SPART: variants seen among roughly 807,000 people sequenced by gnomAD.
SPART encodes the protein spartin, also known as spastic paraplegia 20 (Troyer syndrome).
A neutral mutation model predicts 58.7 loss-of-function variants in SPART; 35 were observed. The observed-to-expected ratio is 0.60, with a 90% CI of 0.46 to 0.79. SPART has a LOEUF of 0.79. Ranked by LOEUF, SPART falls within the 30% of genes least tolerant of loss-of-function variation. SPART has a pLI of 0.00. For missense variants in SPART, 730 were observed against 786.1 expected (o/e 0.93, Z 0.85); for synonymous variants, 284 against 280.7 (o/e 1.01, Z -0.12).
At chr13:36,353,821 G>A (rs1219697911) in intron 1 of SPART, among the ~76,000 whole-genome samples, 2 of 152,190 alleles carry the variant, frequency 1.3e-5, no homozygotes, top group African/African-American at 4.8e-5. Flanking sequence ...GAGTGGTTGT[G>A]TTTTTGTCTT....
chr13:36,333,872 A>G (rs1169499580), intron 2 of SPART, among the ~76,000 whole-genome samples: 1 of 152,222 alleles, frequency 6.6e-6, no homozygotes, highest in Non-Finnish European at 1.5e-5. Flanking sequence ...AATAATCTAC[A>G]GGATTCACAA....
At chr13:36,328,364 C>T (rs1883154320) in intron 4 of SPART, among the ~76,000 whole-genome samples, 1 of 152,116 alleles carries the variant, frequency 6.6e-6, no homozygotes, top group African/African-American at 2.4e-5. Flanking sequence ...TATTCATATA[C>T]TTGCTTATAT....
At chr13:36,322,525 C>T (rs1233938894) in intron 5 of SPART, among the ~76,000 whole-genome samples, 2 of 152,104 alleles carry the variant, frequency 1.3e-5, no homozygotes, top group Non-Finnish European at 2.9e-5. Context: ...CTAGCTGAAC[C>T]CTAAGATTAT....
chr13:36,357,849 A>T (rs1885682857), intron 1 of SPART, among the ~76,000 whole-genome samples: 1 of 152,190 alleles, frequency 6.6e-6, no homozygotes, highest in Non-Finnish European at 1.5e-5. Context: ...AATCCACTGA[A>T]CACCAGGAAT....
intron 1 of SPART, among the ~76,000 whole-genome samples, chr13:36,367,115 G>C (rs1415689844): frequency 1.3e-5 from 2 of 152,176 alleles, no homozygotes; most frequent in African/African-American, 2.4e-5. Context: ...GTAGGAAAAG[G>C]TGTCCTTGGG....
At chr13:36,341,341 A>C (rs1449464276) in intron 1 of SPART, among the ~76,000 whole-genome samples, 1 of 152,260 alleles carries the variant, frequency 6.6e-6, no homozygotes, top group Non-Finnish European at 1.5e-5. Flanking sequence ...AGGTGAAGTT[A>C]ATTTCAATGA....
intron 5 of SPART, 111 bp from the exon 6 acceptor site, chr13:36,314,532 G>T: frequency 9.6e-7 from 1 of 1,038,460 alleles, no homozygotes; most frequent in Non-Finnish European, 1.5e-6. Flanking sequence ...ATATTCAGAT[G>T]CTAAATGTGC....
intron 1 of SPART, among the ~76,000 whole-genome samples, chr13:36,338,168 G>T (rs1055706309): frequency 1.3e-5 from 2 of 152,156 alleles, no homozygotes; most frequent in African/African-American, 4.8e-5. Context: ...TAAGGGGTTA[G>T]GGGGGACTAC....
rs1456677385 is a variant in SPART at position 36,312,689 on chromosome 13, T to C, written c.1484-212A>G. On this transcript the variant is annotated intron_variant, in intron 6 of 8. Transcript: ENST00000438666. ...TACTCCTGGGCTCAAGTGATCCTCC[T>C]GCCTCTGCCTCCTGAGTAGCTGGGA... 54 of 588,672 alleles carry C rather than the reference T, an allele frequency of 9.2e-5. 1 individual carries two copies. The South Asian group carries it at 1.1e-3, about 12-fold the overall frequency. The allele number at this position is 588,672 out of a possible 1,614,324, so 36.5% of individuals were successfully genotyped here.
Position 36,305,368 on chromosome 13 carries a change from A to G in SPART, c.1734-736T>C, listed in dbSNP as rs1291682415. Among the ~76,000 whole-genome samples, 5 of 152,020 alleles carry G rather than the reference A, an allele frequency of 3.3e-5. No individual in the cohort carries two copies. The South Asian group carries it at 6.2e-4, about 19-fold the overall frequency. ...CACTGCTTTTTTTCTCCCATTACTT[A>G]CCACTTTCTACATACTATAGAACTT... On this transcript the variant is annotated intron_variant, in intron 8 of 8. Transcript: ENST00000438666.
intron 5 of SPART, among the ~76,000 whole-genome samples, chr13:36,324,771 GAA>G (rs1882745180): frequency 3.3e-5 from 5 of 152,194 alleles, no homozygotes; most frequent in Admixed American, 3.3e-4. Flanking sequence ...GGCTGAGACC[GAA>G]AAGAGAGTCA....
chr13:36,325,244 TG>T (rs1488937631), intron 5 of SPART, among the ~76,000 whole-genome samples: 1 of 152,124 alleles, frequency 6.6e-6, no homozygotes, highest in Non-Finnish European at 1.5e-5. Context: ...CCTATAAAGT[TG>T]GGGGGTAGGG....
rs1482788193 is a variant in SPART, at chr13:36,366,032, A to G, written c.-3+4057T>C. On this transcript the variant is annotated intron_variant, in intron 1 of 8. Transcript: ENST00000355182. Reference sequence around the variant, plus strand: ...GTCTCTCTAAGCTAATGCTTTCTCTATGTGTGACCAGGGTTTTCTAAAACA... The same window carrying G: ...GTCTCTCTAAGCTAATGCTTTCTCTGTGTGTGACCAGGGTTTTCTAAAACA... 3.3e-5 allele frequency among the ~76,000 whole-genome samples: 5 copies of G among 152,088 alleles called. No homozygotes were observed. The East Asian group carries it at 5.8e-4, about 18-fold the overall frequency.
chr13:36,328,177 T>C lies in SPART; in HGVS notation c.1164+1185A>G, dbSNP rs141993396. Among the ~76,000 whole-genome samples, 112 of 152,348 alleles carry C rather than the reference T, an allele frequency of 7.4e-4. No individual in the cohort carries two copies. In the East Asian group the frequency reaches 0.015, roughly 20 times the overall value. On this transcript the variant is annotated intron_variant, in intron 4 of 8. Transcript: ENST00000438666. The stretch of plus-strand genomic sequence containing the variant: ...TCTTGGAACCATTTTGGACTTCCAG[T>C]ATCCTCATATAGCTGGTCTAAGATG...
At chr13:36,315,128 CCTTTG>C (rs914243118) in intron 5 of SPART, among the ~76,000 whole-genome samples, 34 of 152,286 alleles carry the variant, frequency 2.2e-4, no homozygotes, top group African/African-American at 7.9e-4. Flanking sequence ...GGGCCCTAGC[CCTTTG>C]CTTTGCTTTG....
intron 1 of SPART, among the ~76,000 whole-genome samples, chr13:36,351,923 G>C (rs1000109447): frequency 6.6e-6 from 1 of 152,126 alleles, no homozygotes; most frequent in Non-Finnish European, 1.5e-5. Context: ...ATTAAAATGA[G>C]AAATGTCCAA....
At position 36,335,736 on chromosome 13, in the gene SPART, T is replaced by G; in HGVS notation, c.95A>C (p.Asn32Thr). The G allele has an allele frequency of 6.2e-7, 1 of 1,614,166 alleles. No homozygotes were observed. The change falls in exon 2 of 9, where the codon AAT becomes ACT. Residue 32 changes from asparagine to threonine, a missense_variant. Physicochemically the swap from Asn to Thr is moderately conservative, Grantham distance 65. Transcript: ENST00000438666. ...KAFLFVNKGLNTDELGQKEEA... is the reference protein window; with the variant it reads ...KAFLFVNKGLTTDELGQKEEA... The stretch of plus-strand genomic sequence containing the variant: ...TTCCTTCTGACCTAATTCATCTGTA[T>G]TCAGACCTTTGTTAACAAATAAAAA...
chr13:36,347,331 G>A (rs1885210724), upstream of SPART, among the ~76,000 whole-genome samples: 1 of 152,098 alleles, frequency 6.6e-6, no homozygotes, highest in African/African-American at 2.4e-5. Flanking sequence ...CGACTCTCAT[G>A]CCTCAGCCTC....
chr13:36,332,241 C>G (rs867934855), intron 2 of SPART, among the ~76,000 whole-genome samples: 3 of 152,304 alleles, frequency 2.0e-5, no homozygotes, highest in Non-Finnish European at 2.9e-5. Context: ...CCTATAATCC[C>G]AACACTCTGG....
Sources: gnomAD v4.1 joint callset for allele counts (sites outside exome capture counted in the v4.1 genomes callset) on GRCh38, gnomAD v4.1.1 for gene constraint, MANE v1.5 for transcripts, NCBI Gene and HGNC (gene_info 2026-07-23, HGNC 2026-07-21) for gene names.